STK33: variants seen among roughly 807,000 people sequenced by gnomAD.
STK33 encodes serine/threonine-protein kinase 33.
In STK33, 52 loss-of-function variants were observed where a neutral mutation model predicts 58.0. The ratio of observed to expected loss-of-function variants is 0.90; its 90% CI spans 0.72 to 1.13. The LOEUF (loss-of-function observed/expected upper bound fraction) is 1.13, where lower values mean the gene tolerates loss of function less well. STK33 is among the 50% of genes most tolerant of loss of function. The pLI, the probability that STK33 is intolerant of heterozygous loss-of-function variation, is 0.00. For synonymous variants in STK33, 215 were observed against 200.1 expected (o/e 1.07, Z -0.63); for missense variants, 630 against 604.2 (o/e 1.04, Z -0.45).
chr11:8,399,199 T>C (rs540689151), intron 15 of STK33, among the ~76,000 whole-genome samples: 1 of 152,270 alleles, frequency 6.6e-6, no homozygotes, highest in East Asian at 1.9e-4. Flanking sequence ...TATTCCAAAA[T>C]TGACCCCGTA....
chr11:8,438,907 T>G lies in STK33; in HGVS notation c.947+1771A>C, dbSNP rs546751826. On this transcript the variant is annotated intron_variant, in intron 12 of 15. Coordinates refer to ENST00000687296, the MANE Select transcript of STK33 (RefSeq NM_001352389.2). Reference sequence around the variant, plus strand: ...AAACTTTTTGAATACTTTTATACTTTATGTAATCTAAGCAACGATGTGTGT... The same window carrying G: ...AAACTTTTTGAATACTTTTATACTTGATGTAATCTAAGCAACGATGTGTGT... Among the ~76,000 whole-genome samples the G allele has an allele frequency of 5.9e-5, 9 of 152,360 alleles. No homozygotes were observed. In the South Asian group the frequency reaches 1.7e-3, roughly 28 times the overall value.
chr11:8,468,396 T>TGACA (rs1565100999), intron 6 of STK33, among the ~76,000 whole-genome samples: 5 of 152,158 alleles, frequency 3.3e-5, no homozygotes, highest in Non-Finnish European at 7.4e-5. Context: ...ACAGGTAAAT[T>TGACA]AGAGGCTTGT....
intron 1 of STK33, among the ~76,000 whole-genome samples, chr11:8,493,354 T>G (rs1429222888): frequency 6.6e-6 from 1 of 151,158 alleles, no homozygotes; most frequent in Admixed American, 6.6e-5. Flanking sequence ...TAGAAAAAAT[T>G]GATAAATTCC....
chr11:8,371,613 C>CTT, the STK33 span, among the ~76,000 whole-genome samples: 2 of 146,426 alleles, frequency 1.4e-5, no homozygotes, highest in African/African-American at 2.6e-5. Context: ...CTCTTTCTTT[C>CTT]TCTTTCTTTT....
chr11:8,392,508 C>G lies in STK33; in HGVS notation c.*2G>C. The G allele has an allele frequency of 1.2e-6, 2 of 1,614,148 alleles. No homozygotes were observed. Among genetic ancestry groups the G allele is most frequent in the Non-Finnish European group, 1.7e-6 (2 of 1,180,030 alleles). ...TTGTACTGTCCAACACTGGAGGGAA[C>G]CTTAGAGTTTCTTTTTGGTTCTGGA... On this transcript the variant is annotated 3_prime_UTR_variant, in exon 16 of 16. Transcript: ENST00000687296.
chr11:8,581,834 C>T (rs1387728359), intron 1 of STK33, among the ~76,000 whole-genome samples: 1 of 152,226 alleles, frequency 6.6e-6, no homozygotes, highest in African/African-American at 2.4e-5. Context: ...ATTTTAAAAT[C>T]AGATTTAATC....
In STK33 at chr11:8,440,768, G is replaced by C; in HGVS notation, c.872-15C>G. ...AACTTCAGGGGCTGCCAAACAAGCA[G>C]ATATAAAATAACATTAATAATACAA... On this transcript the variant is annotated splice_polypyrimidine_tract_variant and intron_variant, in intron 11 of 15. Coordinates refer to ENST00000687296, the MANE Select transcript of STK33 (RefSeq NM_001352389.2). The C allele has an allele frequency of 6.4e-7, 1 of 1,551,492 alleles. No individual in the cohort carries two copies. The highest frequency in any genetic ancestry group is 8.7e-7 in the Non-Finnish European group (1 of 1,146,072).
At chr11:8,548,282 G>C (rs181652938) in intron 1 of STK33, among the ~76,000 whole-genome samples, 141 of 151,790 alleles carry the variant, frequency 9.3e-4, no homozygotes, top group African/African-American at 3.4e-3. Flanking sequence ...TTTTGTTTTT[G>C]TATATGGTGA....
intron 15 of STK33, among the ~76,000 whole-genome samples, chr11:8,395,073 C>G (rs1450424985): frequency 5.3e-5 from 8 of 152,314 alleles, no homozygotes; most frequent in African/African-American, 1.9e-4. Flanking sequence ...ATGTGGTTGT[C>G]ATTCCACTGT....
At chr11:8,443,681 T>C (rs1365574243) in intron 11 of STK33, among the ~76,000 whole-genome samples, 3 of 150,816 alleles carry the variant, frequency 2.0e-5, no homozygotes, top group South Asian at 4.2e-4. Flanking sequence ...ATAATAAATA[T>C]GTATTCAACT....
chr11:8,374,223 G>A, the STK33 span, among the ~76,000 whole-genome samples: 8 of 152,214 alleles, frequency 5.3e-5, no homozygotes, highest in African/African-American at 1.9e-4. Context: ...GGTCCACAGG[G>A]GCTCACTCAA....
chr11:8,441,648 C>T (rs1215656068), intron 11 of STK33, among the ~76,000 whole-genome samples: 2 of 152,120 alleles, frequency 1.3e-5, no homozygotes, highest in African/African-American at 4.8e-5. Context: ...TGAGACACCA[C>T]ACTCAGCTGG....
At chr11:8,340,946 C>T in the STK33 span, among the ~76,000 whole-genome samples, 1 of 152,228 alleles carries the variant, frequency 6.6e-6, no homozygotes, top group South Asian at 2.1e-4. Flanking sequence ...GCAACCTCCG[C>T]CTCCTGGGTT....
intron 1 of STK33, among the ~76,000 whole-genome samples, chr11:8,544,748 T>C (rs566791339): frequency 7.0e-4 from 107 of 152,296 alleles, no homozygotes; most frequent in African/African-American, 2.5e-3. Context: ...AAGAGACTTA[T>C]TTTTAAAATG....
chr11:8,337,263 C>T, the STK33 span, among the ~76,000 whole-genome samples: 5 of 152,354 alleles, frequency 3.3e-5, no homozygotes, highest in African/African-American at 4.8e-5. Context: ...AAGTCGCCTG[C>T]GTGTGATTCC....
chr11:8,440,692 G>T lies in STK33; in HGVS notation c.933C>A (p.Val311=). ...AGGCTACTTACAACATGTACATTAC[G>T]ACGCCTATGCTCCAAATGTCACACT... The part of the protein sequence containing the change: ...SQQCDIWSIG[V]VMYMLLRGEP... The change falls in exon 12 of 16, where the codon GTC becomes GTA. Residue 311 remains valine (V), a synonymous_variant. Coordinates refer to ENST00000687296, the MANE Select transcript of STK33 (RefSeq NM_001352389.2). 2 of 1,565,666 alleles carry T rather than the reference G, an allele frequency of 1.3e-6. No individual in the cohort carries two copies. The highest frequency in any genetic ancestry group is 1.7e-6 in the Non-Finnish European group (2 of 1,153,052).
chr11:8,545,960 C>G (rs571108580), intron 1 of STK33, among the ~76,000 whole-genome samples: 7 of 152,266 alleles, frequency 4.6e-5, no homozygotes, highest in Admixed American at 4.6e-4. Flanking sequence ...GTGGTATAGC[C>G]TCTTGTTCCT....
intron 14 of STK33, among the ~76,000 whole-genome samples, chr11:8,432,865 C>T (rs913741670): frequency 2.6e-5 from 4 of 152,138 alleles, no homozygotes; most frequent in African/African-American, 7.2e-5. Flanking sequence ...ATATAGTATA[C>T]AATATCTGTC....
chr11:8,364,007 T>A, the STK33 span, among the ~76,000 whole-genome samples: 1 of 152,212 alleles, frequency 6.6e-6, no homozygotes. Context: ...GTGTTCTGAG[T>A]TTGGATCTGC....
Sources: allele counts gnomAD v4.1 joint callset (sites outside exome capture counted in the v4.1 genomes callset), GRCh38; gene constraint gnomAD v4.1.1; transcripts MANE v1.5; gene names NCBI Gene and HGNC (gene_info 2026-07-23, HGNC 2026-07-21).